The following BAK1 variants were observed in gnomAD, a reference collection of about 807,000 sequenced individuals.
BAK1 encodes the protein BCL2 antagonist/killer 1.
BAK1 carries 19 observed loss-of-function variants against 24.7 expected under a neutral mutation model. The observed-to-expected ratio is 0.77, with a 90% CI of 0.54 to 1.13. The LOEUF (loss-of-function observed/expected upper bound fraction) is 1.13, where lower values mean the gene tolerates loss of function less well. Ranked by LOEUF, BAK1 falls within the 50% of genes most tolerant of loss-of-function variation. The pLI, the probability that BAK1 is intolerant of heterozygous loss-of-function variation, is 0.00. For synonymous variants in BAK1, 86 were observed against 107.3 expected (o/e 0.80, Z 1.23); for missense variants, 194 against 279.4 (o/e 0.69, Z 2.18).
Position 33,576,493 on chromosome 6 carries a change from C to A in BAK1, c.71-565G>T, listed in dbSNP as rs555690198. On this transcript the variant is annotated intron_variant, in intron 2 of 5. Transcript: ENST00000374467. ...AACAAAATACAAAAAATTAGCCAGG[C>A]GTGGTGGGAGGCGCCTGTAGTCCCA... Among the ~76,000 whole-genome samples the A allele has an allele frequency of 4.0e-5, 6 of 150,608 alleles. No homozygotes were observed. The East Asian group carries it at 1.2e-3, about 30-fold the overall frequency.
chr6:33,575,676 C>T lies in BAK1; in HGVS notation c.206+117G>A. On this transcript the variant is annotated intron_variant, in intron 3 of 5. Transcript: ENST00000374467. The surrounding 1 kb of genome is among the most constrained non-coding windows in gnomAD (Gnocchi z 6.3). ...GGAGCCCAACATAAAAGAGGAGCAACCATGAGAGAAGGGCAAGACCCCCGA... is the reference window on the plus strand; with the variant it reads ...GGAGCCCAACATAAAAGAGGAGCAATCATGAGAGAAGGGCAAGACCCCCGA... 6.8e-7 allele frequency: 1 copy of T among 1,475,312 alleles called. No individual in the cohort carries two copies. Among genetic ancestry groups the T allele is most frequent in the Non-Finnish European group, 9.1e-7 (1 of 1,095,548 alleles). The allele number at this position is 1,475,312 out of a possible 1,614,324, so 91.4% of individuals were successfully genotyped here.
At chr6:33,576,331 C>CAAAA (rs11462912) in intron 2 of BAK1, among the ~76,000 whole-genome samples, 3 of 122,998 alleles carry the variant, frequency 2.4e-5, no homozygotes, top group Non-Finnish European at 3.3e-5. Flanking sequence ...AACTCTGTCT[C>CAAAA]AAAAAAAAAA....
rs915224343 is a variant in BAK1, at chr6:33,575,779, C to T, written c.206+14G>A. 25 of 1,611,048 alleles carry T rather than the reference C, an allele frequency of 1.6e-5. No homozygotes were observed. The highest frequency in any genetic ancestry group is 2.1e-5 in the Non-Finnish European group (25 of 1,179,188). On this transcript the variant is annotated intron_variant, in intron 3 of 5. Coordinates refer to ENST00000374467, the MANE Select transcript of BAK1 (RefSeq NM_001188.4). This position sits in a 1 kb window ranked among gnomAD's most constrained non-coding sequence, Gnocchi z 6.3. ...CCTGAAGATGTCCTTGTGGGCCCAG[C>T]GGTTGTAGCTCACCTGCTAGGTTGC...
rs2151257683 is a variant in BAK1 at position 33,578,218 on chromosome 6, T to C, written c.-31-583A>G. Among the ~76,000 whole-genome samples the C allele has an allele frequency of 1.3e-5, 2 of 152,342 alleles. No homozygotes were observed. Among genetic ancestry groups the C allele is most frequent in the Middle Eastern group, 3.4e-3 (1 of 294 alleles). On this transcript the variant is annotated intron_variant, in intron 1 of 5. Transcript: ENST00000374467. This position sits in a 1 kb window ranked among gnomAD's most constrained non-coding sequence, Gnocchi z 4.8. ...GGCTGGCCAGAACACACCTGTTTTT[T>C]AACTCTGGGCTGTTAGCCGCAAACA...
In BAK1 at chr6:33,578,111, A is replaced by C. The variant is rs1200304562; in HGVS notation, c.-31-476T>G. ...CTGTTCCTGGGGCCTCCTGCAGCCC[A>C]CCCAGCACATGCTTATTGCAAGCGA... On this transcript the variant is annotated intron_variant, in intron 1 of 5. Transcript: ENST00000374467. The surrounding 1 kb of genome is among the most constrained non-coding windows in gnomAD (Gnocchi z 4.8). Among the ~76,000 whole-genome samples, 2 of 152,104 alleles carry C rather than the reference A, an allele frequency of 1.3e-5. No individual in the cohort carries two copies. Among genetic ancestry groups the C allele is most frequent in the African/African-American group, 4.8e-5 (2 of 41,418 alleles).
In BAK1 at chr6:33,575,491, C is replaced by G; in HGVS notation, c.207-50G>C. On this transcript the variant is annotated intron_variant, in intron 3 of 5. Transcript: ENST00000374467. The surrounding 1 kb of genome is among the most constrained non-coding windows in gnomAD (Gnocchi z 6.3). ...TGAGCCAGTAACCAGGCAGTCGGGA[C>G]CAGGCCCTGGCTCATGGCAGAGGGG... 6.2e-7 allele frequency: 1 copy of G among 1,611,164 alleles called. No homozygotes were observed. Among genetic ancestry groups the G allele is most frequent in the Non-Finnish European group, 8.5e-7 (1 of 1,179,380 alleles).
intron 2 of BAK1, among the ~76,000 whole-genome samples, chr6:33,576,331 CAAAA>C (rs11462912): frequency 8.1e-6 from 1 of 123,012 alleles, no homozygotes; most frequent in African/African-American, 3.2e-5. Context: ...AACTCTGTCT[CAAAA>C]AAAAAAAAAA....
chr6:33,579,114 G>T (rs542821389), intron 1 of BAK1, among the ~76,000 whole-genome samples: 1 of 152,186 alleles, frequency 6.6e-6, no homozygotes, highest in Non-Finnish European at 1.5e-5. Context: ...CTTTGCAGCC[G>T]GGCATAGTGG....
In BAK1 at chr6:33,573,607, C is replaced by T; in HGVS notation, c.*196G>A. The T allele has an allele frequency of 1.6e-6, 1 of 616,896 alleles. No individual in the cohort carries two copies. The highest frequency in any genetic ancestry group is 2.9e-6 in the Non-Finnish European group (1 of 344,234). The allele number at this position is 616,896 out of a possible 1,614,324, so 38.2% of individuals were successfully genotyped here. On this transcript the variant is annotated 3_prime_UTR_variant, in exon 6 of 6. Transcript: ENST00000374467. ...CCCCTGGGCCCAGAGAGAGGGCCCA[C>T]TAGCACCATGCAATGTTGAGGTGCC...
In BAK1 at chr6:33,574,333, C is replaced by T. The variant is rs566246999; in HGVS notation, c.351-119G>A. The T allele has an allele frequency of 3.2e-5, 47 of 1,451,048 alleles. No homozygotes were observed. In the South Asian group the frequency reaches 3.4e-4, roughly 11 times the overall value. 89.9% of individuals were successfully genotyped at this position (1,451,048 alleles called of 1,614,324 possible). A position where few individuals can be genotyped will look rare whatever the true frequency, so the allele number is the denominator to read the frequency against. ...AAATAGCTTAGCTGTGAATTAAGGC[C>T]GCAGAGGCTGCCCCAACCTGGCCTG... On this transcript the variant is annotated intron_variant, in intron 4 of 5. Coordinates refer to ENST00000374467, the MANE Select transcript of BAK1 (RefSeq NM_001188.4).
At position 33,576,034 on chromosome 6, in the gene BAK1, A is replaced by G; in HGVS notation, c.71-106T>C. 4.0e-6 allele frequency: 6 copies of G among 1,515,982 alleles called. No homozygotes were observed. The South Asian group carries it at 7.6e-5, about 19-fold the overall frequency. 93.9% of individuals were successfully genotyped at this position (1,515,982 alleles called of 1,614,324 possible). A position where few individuals can be genotyped will look rare whatever the true frequency, so the allele number is the denominator to read the frequency against. Reference sequence around the variant, plus strand: ...AGGCCATAGCTGTCCTCACCCATGGAAAGAAATATCCCAACCAGGTGCGGT... The same window carrying G: ...AGGCCATAGCTGTCCTCACCCATGGGAAGAAATATCCCAACCAGGTGCGGT... On this transcript the variant is annotated intron_variant, in intron 2 of 5. Transcript: ENST00000374467.
At position 33,577,348 on chromosome 6, in the gene BAK1, A is replaced by G. The variant is rs5745587; in HGVS notation, c.70+187T>C. Among the ~76,000 whole-genome samples, 37,779 of 151,954 alleles carry G rather than the reference A, an allele frequency of 0.25. 4,955 individuals are homozygous for G. Among genetic ancestry groups the G allele is most frequent in the South Asian group, 0.35 (1,666 of 4,820 alleles). On this transcript the variant is annotated intron_variant, in intron 2 of 5. Coordinates refer to ENST00000374467, the MANE Select transcript of BAK1 (RefSeq NM_001188.4). The surrounding 1 kb of genome is among the most constrained non-coding windows in gnomAD (Gnocchi z 4.6). ...CCAACCTCCAGGCCCTCCCCAGTCC[A>G]GACTCCTCCCCCTCCTGGGCTTAAC...
rs191612892 is a variant in BAK1, at chr6:33,577,176, G to A, written c.70+359C>T. ...CGTTCCCTGTTGAGCAGACCTGACTGGGTGATTGGCCAGCTTACTTCCTTA... is the reference window on the plus strand; with the variant it reads ...CGTTCCCTGTTGAGCAGACCTGACTAGGTGATTGGCCAGCTTACTTCCTTA... On this transcript the variant is annotated intron_variant, in intron 2 of 5. Transcript: ENST00000374467. This position sits in a 1 kb window ranked among gnomAD's most constrained non-coding sequence, Gnocchi z 4.6. Among the ~76,000 whole-genome samples, 2 of 152,252 alleles carry A rather than the reference G, an allele frequency of 1.3e-5. No individual in the cohort carries two copies. The highest frequency in any genetic ancestry group is 1.3e-4 in the Admixed American group (2 of 15,292).
intron 1 of BAK1, among the ~76,000 whole-genome samples, chr6:33,579,113 C>T (rs943203409): frequency 1.3e-5 from 2 of 152,314 alleles, no homozygotes; most frequent in Middle Eastern, 3.4e-3. Flanking sequence ...ACTTTGCAGC[C>T]GGGCATAGTG....
intron 4 of BAK1, chr6:33,574,603 C>A: frequency 8.0e-7 from 1 of 1,243,854 alleles, no homozygotes; most frequent in South Asian, 1.3e-5. Context: ...GGTATGAAGG[C>A]TGGCCTCTAA....
rs952349941 is a variant in BAK1, at chr6:33,577,246, C to G, written c.70+289G>C. On this transcript the variant is annotated intron_variant, in intron 2 of 5. Transcript: ENST00000374467. This position sits in a 1 kb window ranked among gnomAD's most constrained non-coding sequence, Gnocchi z 4.6. ...ACAGCAGCCAGGCCCCACTCTAATT[C>G]CTGCCTCCCTCGCCCGTGACCCAGC... is the stretch of plus-strand genomic sequence containing the variant. Among the ~76,000 whole-genome samples, 1 of 152,184 alleles carries G rather than the reference C, an allele frequency of 6.6e-6. No individual in the cohort carries two copies. The highest frequency in any genetic ancestry group is 1.5e-5 in the Non-Finnish European group (1 of 68,024).
Position 33,575,109 on chromosome 6 carries a change from C to G in BAK1, c.350+189G>C. 1.2e-6 allele frequency: 1 copy of G among 829,068 alleles called. No homozygotes were observed. The highest frequency in any genetic ancestry group is 2.0e-6 in the Non-Finnish European group (1 of 501,068). 51.4% of individuals were successfully genotyped at this position (829,068 alleles called of 1,614,324 possible). On this transcript the variant is annotated intron_variant, in intron 4 of 5. Transcript: ENST00000374467. The surrounding 1 kb of genome is among the most constrained non-coding windows in gnomAD (Gnocchi z 6.3). Reference sequence around the variant, plus strand: ...GCTCAAAAGAGCTGTGAGCTAATGCCCAAAATACAAGTCTGGGACCCCGAA... The same window carrying G: ...GCTCAAAAGAGCTGTGAGCTAATGCGCAAAATACAAGTCTGGGACCCCGAA...
intron 4 of BAK1, 41 bp from the exon 5 acceptor site, chr6:33,574,255 A>C (rs369663629): frequency 6.3e-7 from 1 of 1,596,060 alleles, no homozygotes; most frequent in East Asian, 2.3e-5. Flanking sequence ...GAGAGCCCCC[A>C]GGAAGCCCTT....
chr6:33,577,291 G>A lies in BAK1; in HGVS notation c.70+244C>T, dbSNP rs751572490. Among the ~76,000 whole-genome samples the A allele has an allele frequency of 8.5e-5, 13 of 152,248 alleles. No individual in the cohort carries two copies. The highest frequency in any genetic ancestry group is 2.1e-4 in the South Asian group (1 of 4,828). On this transcript the variant is annotated intron_variant, in intron 2 of 5. Transcript: ENST00000374467. This position sits in a 1 kb window ranked among gnomAD's most constrained non-coding sequence, Gnocchi z 4.6. ...CCCAGCCCTCTGCCCCGGTGGCACT[G>A]TGCCTACCTTACACTCACTTCCTGG...
Sources: allele counts gnomAD v4.1 joint callset (sites outside exome capture counted in the v4.1 genomes callset), GRCh38; gene constraint gnomAD v4.1.1; non-coding constraint Gnocchi (gnomAD v3.1); transcripts MANE v1.5; gene names NCBI Gene and HGNC (gene_info 2026-07-23, HGNC 2026-07-21).